Variants in ZNF208 observed in about 807,000 individuals in gnomAD.
The protein encoded by ZNF208 is zinc finger protein 208, also known as zinc finger protein 95.
A neutral mutation model predicts 12.1 loss-of-function variants in ZNF208; 10 were observed. The observed-to-expected ratio is 0.83, with a 90% CI of 0.51 to 1.40. ZNF208 has a LOEUF of 1.40. ZNF208 is among the 40% of genes most tolerant of loss of function. The probability of loss-of-function intolerance (pLI) is 0.00; values close to 1 mark genes in which losing one functional copy is unlikely to be tolerated. For synonymous variants in ZNF208, 497 were observed against 488.4 expected (o/e 1.02, Z -0.23); for missense variants, 1,652 against 1,485.0 (o/e 1.11, Z -1.85).
At chr19:21,987,339 T>G (rs1348367927) in intron 2 of ZNF208, 28 bp from the exon 3 acceptor site, 1 of 1,586,812 alleles carries the variant, frequency 6.3e-7, no homozygotes, top group Non-Finnish European at 8.6e-7. Context: ...AACAACATGC[T>G]TCTTGCTCAT....
intron 4 of ZNF208, among the ~76,000 whole-genome samples, chr19:21,954,576 T>C (rs555484358): frequency 6.6e-6 from 1 of 152,366 alleles, no homozygotes; most frequent in East Asian, 1.9e-4. Context: ...TTGATCCCTT[T>C]ACCATTATGT....
At chr19:21,942,497 A>G (rs1328389315) in intron 4 of ZNF208, among the ~76,000 whole-genome samples, 1 of 152,218 alleles carries the variant, frequency 6.6e-6, no homozygotes, top group Non-Finnish European at 1.5e-5. Context: ...CCATAGGTTT[A>G]TTAAATTGTT....
Position 21,973,679 on chromosome 19 carries a change from G to C in ZNF208, c.1355C>G (p.Pro452Arg). 1.3e-6 allele frequency: 2 copies of C among 1,570,852 alleles called. No individual in the cohort carries two copies. Among genetic ancestry groups the C allele is most frequent in the Non-Finnish European group, 1.7e-6 (2 of 1,144,364 alleles). ...TTTGCCACATTCTTCACATTTGTAG[G>C]GTGTCTCTCCAGTGTGAATTTTCTT... is the stretch of plus-strand genomic sequence containing the variant. ...EHKKIHTGET[P>R]YKCEECGKGF... Residue 452 changes from proline to arginine, a missense_variant, in exon 4 of 4, where the codon CCC becomes CGC. Physicochemically the swap from Pro to Arg is moderately radical, Grantham distance 103 (BLOSUM62 -2). Transcript: ENST00000397126.
At position 21,969,565 on chromosome 19, in the gene ZNF208, G is replaced by A. The variant is rs559388222; in HGVS notation, c.*1626C>T. 6.6e-6 allele frequency among the ~76,000 whole-genome samples: 1 copy of A among 152,132 alleles called. No homozygotes were observed. The highest frequency in any genetic ancestry group is 2.1e-4 in the South Asian group (1 of 4,820). On this transcript the variant is annotated 3_prime_UTR_variant, in exon 4 of 4. Coordinates refer to ENST00000397126, the MANE Select transcript of ZNF208 (RefSeq NM_007153.3). Reference sequence around the variant, plus strand: ...AACATATTTTAGTATAAACGCATTTGTGTTTTATAATCTGTAGTTTTTGAA... The same window carrying A: ...AACATATTTTAGTATAAACGCATTTATGTTTTATAATCTGTAGTTTTTGAA...
At position 21,972,809 on chromosome 19, in the gene ZNF208, A is replaced by G. The variant is rs1248198448; in HGVS notation, c.2225T>C (p.Ile742Thr). The change falls in exon 4 of 4, where the codon ATT becomes ACT. Residue 742 changes from isoleucine (I) to threonine (T), a missense_variant. By Grantham distance (89) the Ile-to-Thr change is moderately conservative. This residue lies in a region of ZNF208 where 1,239 missense variants were observed against 1,086.2 expected (regional missense o/e 1.14). Coordinates refer to ENST00000397126, the MANE Select transcript of ZNF208 (RefSeq NM_007153.3). ...TTTGTAGGGTTTCTCTCCAGTATGA[A>G]TTACCTTATGTTTAGTAAGGACTGA... is the stretch of plus-strand genomic sequence containing the variant. ...TFSVLTKHKV[I>T]HTGEKPYKCE... The G allele has an allele frequency of 6.2e-7, 1 of 1,612,174 alleles. No homozygotes were observed. The highest frequency in any genetic ancestry group is 1.7e-5 in the Admixed American group (1 of 59,906).
At chr19:21,989,399 A>G (rs1970688271) in intron 1 of ZNF208, among the ~76,000 whole-genome samples, 1 of 151,922 alleles carries the variant, frequency 6.6e-6, no homozygotes, top group African/African-American at 2.4e-5. Context: ...ATGTCCCAAC[A>G]AAGGACATGA....
At chr19:22,009,919 C>A (rs1477929278) in intron 1 of ZNF208, among the ~76,000 whole-genome samples, 3 of 152,222 alleles carry the variant, frequency 2.0e-5, no homozygotes, top group Admixed American at 2.0e-4. Flanking sequence ...GGCGCGGTGG[C>A]TTACGCCTAT....
chr19:21,959,872 A>G (rs1045955864), intron 4 of ZNF208, among the ~76,000 whole-genome samples: 36 of 152,148 alleles, frequency 2.4e-4, no homozygotes, highest in African/African-American at 8.2e-4. Flanking sequence ...AACTAAAAAT[A>G]TGTTTAGTTT....
At chr19:21,982,584 G>A (rs533588723) in intron 3 of ZNF208, among the ~76,000 whole-genome samples, 1 of 152,196 alleles carries the variant, frequency 6.6e-6, no homozygotes, top group South Asian at 2.1e-4. Context: ...GAACAAAGCT[G>A]GAGGCATCAT....
Position 21,971,274 on chromosome 19 carries a change from T to G in ZNF208, c.3760A>C (p.Lys1254Gln). The change falls in exon 4 of 4, where the codon AAA becomes CAA. Residue 1254 changes from lysine (K) to glutamine (Q), a missense_variant. Around this residue, in one of 3 missense-constraint regions of ZNF208, gnomAD observed 1,239 missense variants for 1,086.2 expected, o/e 1.14. Transcript: ENST00000397126. ...AAGGCTTTGCCACATTCTTCACATT[T>G]GTAGGGTTTCTCTCCAGTATGAATT... ...KVIHTGEKPYKCEECGKAFSW... is the reference protein window; with the variant it reads ...KVIHTGEKPYQCEECGKAFSW... 2 of 1,612,488 alleles carry G rather than the reference T, an allele frequency of 1.2e-6. No individual in the cohort carries two copies. Among genetic ancestry groups the G allele is most frequent in the East Asian group, 2.2e-5 (1 of 44,846 alleles).
Position 21,973,006 on chromosome 19 carries a change from C to G in ZNF208, c.2028G>C (p.Lys676Asn), listed in dbSNP as rs371451593. 373 of 1,587,116 alleles carry G rather than the reference C, an allele frequency of 2.4e-4. No homozygotes were observed. Among genetic ancestry groups the G allele is most frequent in the Middle Eastern group, 1.0e-3 (6 of 5,872 alleles). ...CCTTATGTTTAGTAAGGATTGAGAA[C>G]TTACTAAAGGCTTTGCCACATTCTT... ...KCKECGKAFS[K>N]FSILTKHKVI... The change falls in exon 4 of 4, where the codon AAG becomes AAC. Residue 676 changes from lysine (K) to asparagine (N), a missense_variant. Around this residue, in one of 3 missense-constraint regions of ZNF208, gnomAD observed 1,239 missense variants for 1,086.2 expected, o/e 1.14. Coordinates refer to ENST00000397126, the MANE Select transcript of ZNF208 (RefSeq NM_007153.3).
chr19:21,973,327 A>G lies in ZNF208; in HGVS notation c.1707T>C (p.Ser569=). The G allele has an allele frequency of 6.2e-7, 1 of 1,609,394 alleles. No homozygotes were observed. The highest frequency in any genetic ancestry group is 8.5e-7 in the Non-Finnish European group (1 of 1,178,350). Reference sequence around the variant, plus strand: ...CTACAGTATGAATTTTCTTATGATAACTAAGGGTTGAGGACCACTTATAGG... The same window carrying G: ...CTACAGTATGAATTTTCTTATGATAGCTAAGGGTTGAGGACCACTTATAGG... ...GKAYKWSSTL[S]YHKKIHTVEK... is the part of the protein sequence containing the mutation. The change falls in exon 4 of 4, where the codon AGT becomes AGC. Residue 569 remains serine, a synonymous_variant. Coordinates refer to ENST00000397126, the MANE Select transcript of ZNF208 (RefSeq NM_007153.3).
intron 1 of ZNF208, among the ~76,000 whole-genome samples, chr19:22,007,886 C>T (rs1313880972): frequency 6.6e-6 from 1 of 151,618 alleles, no homozygotes; most frequent in African/African-American, 2.4e-5. Flanking sequence ...CACCTGTAGT[C>T]CCAGCTACTT....
intron 3 of ZNF208, among the ~76,000 whole-genome samples, chr19:21,977,485 C>G (rs1225074046): frequency 6.6e-6 from 1 of 152,160 alleles, no homozygotes; most frequent in African/African-American, 2.4e-5. Flanking sequence ...TTGGGGAACT[C>G]CCTCTCCTAG....
chr19:21,942,406 T>C (rs1005842243), intron 4 of ZNF208, among the ~76,000 whole-genome samples: 3 of 152,210 alleles, frequency 2.0e-5, no homozygotes, highest in African/African-American at 4.8e-5. Flanking sequence ...CTAATTTTAT[T>C]TTATAAACAG....
chr19:21,965,971 A>C (rs1970157950), downstream of ZNF208: 1 of 152,056 alleles, frequency 6.6e-6, no homozygotes, highest in Non-Finnish European at 1.5e-5. Flanking sequence ...ATTTCAGGTT[A>C]GCTTATAAAA....
chr19:21,988,713 T>C, intron 2 of ZNF208, 70 bp downstream of exon 2: 4 of 1,611,292 alleles, frequency 2.5e-6, no homozygotes, highest in Non-Finnish European at 2.5e-6. Flanking sequence ...CGTTGTTCAG[T>C]CCAATAAGGT....
intron 4 of ZNF208, among the ~76,000 whole-genome samples, chr19:21,956,006 T>C (rs1969969972): frequency 6.6e-6 from 1 of 152,252 alleles, no homozygotes; most frequent in Admixed American, 6.5e-5. Context: ...GATGTACAGA[T>C]GGGGTTTTGG....
At chr19:21,958,948 G>A (rs1970020039) in intron 4 of ZNF208, among the ~76,000 whole-genome samples, 2 of 152,004 alleles carry the variant, frequency 1.3e-5, no homozygotes, top group Non-Finnish European at 1.5e-5. Flanking sequence ...CAGGCAAAAT[G>A]GCACACACCT....
Sources: allele counts gnomAD v4.1 joint callset (sites outside exome capture counted in the v4.1 genomes callset), GRCh38; gene constraint gnomAD v4.1.1; regional missense constraint gnomAD v4.1.1; transcripts MANE v1.5; gene names NCBI Gene and HGNC (gene_info 2026-07-23, HGNC 2026-07-21).